MYO5A: variants seen among roughly 807,000 people sequenced by gnomAD.
MYO5A encodes myosin VA.
A neutral mutation model predicts 249.7 loss-of-function variants in MYO5A; 98 were observed. That is an observed-to-expected ratio of 0.39 (90% CI 0.33 to 0.46). MYO5A has a LOEUF of 0.46. Ranked by LOEUF, MYO5A falls within the 20% of genes least tolerant of loss-of-function variation. MYO5A has a pLI of 0.98. For missense variants in MYO5A, 1,696 were observed against 2,308.8 expected, an observed-to-expected ratio of 0.73 and a Z score of 5.44; for synonymous variants, 778 against 810.6, an observed-to-expected ratio of 0.96 and a Z score of 0.68.
chr15:52,490,314 T>C (rs902861601), intron 1 of MYO5A, among the ~76,000 whole-genome samples: 3 of 152,142 alleles, frequency 2.0e-5, no homozygotes, highest in African/African-American at 4.8e-5. Flanking sequence ...TTCTTCACAA[T>C]AGCCAAAGGA....
At chr15:52,326,098 C>T (rs1006102614) in intron 36 of MYO5A, among the ~76,000 whole-genome samples, 1 of 152,122 alleles carries the variant, frequency 6.6e-6, no homozygotes, top group Non-Finnish European at 1.5e-5. Flanking sequence ...AAACCAGTTG[C>T]CAAAGTTGAA....
rs1298449786 is a variant in MYO5A at position 52,379,669 on chromosome 15, C to A, written c.2164G>T (p.Asp722Tyr). The A allele has an allele frequency of 1.2e-6, 2 of 1,614,218 alleles. No homozygotes were observed. The highest frequency in any genetic ancestry group is 1.7e-6 in the Non-Finnish European group (2 of 1,180,024). Reference sequence around the variant, plus strand: ...ACATTCTTGCATGTTTGCTTTCTGTCACTCAGCACATCTTTCTGCTTCATT... The same window carrying A: ...ACATTCTTGCATGTTTGCTTTCTGTAACTCAGCACATCTTTCTGCTTCATT... Reference protein sequence around the residue: ...VLMKQKDVLSDRKQTCKNVLE... With the variant: ...VLMKQKDVLSYRKQTCKNVLE... Residue 722 changes from aspartate to tyrosine, a missense_variant, in exon 18 of 42, where the codon GAC becomes TAC. By Grantham distance (160) the Asp-to-Tyr change is radical. Coordinates refer to ENST00000399233, the MANE Select transcript of MYO5A (RefSeq NM_001382347.1).
chr15:52,460,940 G>A (rs1367298618), intron 1 of MYO5A, among the ~76,000 whole-genome samples: 1 of 152,140 alleles, frequency 6.6e-6, no homozygotes, highest in Admixed American at 6.5e-5. Flanking sequence ...ATATTTTTAA[G>A]TGAAAACAAT....
In MYO5A at chr15:52,372,336, T is replaced by C. The variant is rs762251096; in HGVS notation, c.2605A>G (p.Ile869Val). ...KILREHKAVI[I>V]QKRVRGWLAR... is the part of the protein sequence containing the mutation. ...AGCCAGCCCCGGACTCGCTTCTGAATGATGACTGCTTTGTGCTCACGGAGT... is the reference window on the plus strand; with the variant it reads ...AGCCAGCCCCGGACTCGCTTCTGAACGATGACTGCTTTGTGCTCACGGAGT... The change falls in exon 21 of 42, where the codon ATT becomes GTT. Residue 869 changes from isoleucine (I) to valine (V), a missense_variant. Transcript: ENST00000399233. 6.2e-7 allele frequency: 1 copy of C among 1,604,316 alleles called. No homozygotes were observed. Among genetic ancestry groups the C allele is most frequent in the South Asian group, 1.1e-5 (1 of 91,052 alleles).
chr15:52,450,859 T>TTTTG (rs2141372267), intron 1 of MYO5A, among the ~76,000 whole-genome samples: 1 of 148,122 alleles, frequency 6.8e-6, no homozygotes, highest in Non-Finnish European at 1.5e-5. Flanking sequence ...TTTTTTTTTT[T>TTTTG]TTTTTTGTGA....
At chr15:52,443,016 G>A (rs2075816270) in intron 1 of MYO5A, among the ~76,000 whole-genome samples, 1 of 152,184 alleles carries the variant, frequency 6.6e-6, no homozygotes, top group South Asian at 2.1e-4. Context: ...CTCCCAAAGT[G>A]CTGGGATTAC....
At chr15:52,523,174 G>A (rs1221312805) in intron 1 of MYO5A, among the ~76,000 whole-genome samples, 2 of 151,996 alleles carry the variant, frequency 1.3e-5, no homozygotes, top group Non-Finnish European at 2.9e-5. Flanking sequence ...AATCCATCTC[G>A]GAGAGACCTG....
At chr15:52,465,381 A>G (rs2076332261) in intron 1 of MYO5A, among the ~76,000 whole-genome samples, 1 of 152,082 alleles carries the variant, frequency 6.6e-6, no homozygotes, top group Admixed American at 6.6e-5. Flanking sequence ...TAGGTTTTAT[A>G]ATTTTGAAAG....
chr15:52,432,185 A>G (rs1175103444), intron 2 of MYO5A, among the ~76,000 whole-genome samples: 5 of 152,272 alleles, frequency 3.3e-5, no homozygotes, highest in Admixed American at 3.3e-4. Context: ...CTAGTTAATA[A>G]GTATAGAAGG....
chr15:52,363,327 CAAGGGTCTTTAG>C (rs2040632637), intron 24 of MYO5A, among the ~76,000 whole-genome samples: 1 of 152,190 alleles, frequency 6.6e-6, no homozygotes, highest in African/African-American at 2.4e-5. Flanking sequence ...TGAAGCTTAA[CAAGGGTCTTTAG>C]ATTTGTCAAT....
intron 1 of MYO5A, among the ~76,000 whole-genome samples, chr15:52,471,889 G>T (rs1278889610): frequency 6.6e-6 from 1 of 152,076 alleles, no homozygotes; most frequent in East Asian, 1.9e-4. Context: ...TGTAGAGTCA[G>T]TGTCTCCCTA....
chr15:52,443,898 G>C (rs750893808), intron 1 of MYO5A, among the ~76,000 whole-genome samples: 1 of 151,896 alleles, frequency 6.6e-6, no homozygotes, highest in Non-Finnish European at 1.5e-5. Context: ...CACAAGAATT[G>C]CTTGAACCTG....
At chr15:52,423,197 T>C (rs957461612) in intron 4 of MYO5A, among the ~76,000 whole-genome samples, 1 of 151,970 alleles carries the variant, frequency 6.6e-6, no homozygotes, top group African/African-American at 2.4e-5. Flanking sequence ...CTAGAAATGG[T>C]GATAATGTGA....
chr15:52,414,448 T>C (rs1431980569), intron 5 of MYO5A, among the ~76,000 whole-genome samples: 1 of 152,164 alleles, frequency 6.6e-6, no homozygotes. Context: ...TTCAAATCTG[T>C]GTTGCAGAAA....
At chr15:52,325,979 C>G (rs1403838522) in intron 36 of MYO5A, among the ~76,000 whole-genome samples, 6 of 152,178 alleles carry the variant, frequency 3.9e-5, no homozygotes, top group Non-Finnish European at 8.8e-5. Context: ...ACAAGTTGAA[C>G]TCAAAGCTAT....
intron 1 of MYO5A, among the ~76,000 whole-genome samples, chr15:52,522,824 A>C (rs1053015091): frequency 5.0e-5 from 7 of 140,876 alleles, no homozygotes; most frequent in Non-Finnish European, 6.1e-5. Flanking sequence ...AGCTTCCTCC[A>C]GTTCTCTTTC....
chr15:52,496,347 G>T (rs2141560329), intron 1 of MYO5A, among the ~76,000 whole-genome samples: 1 of 152,270 alleles, frequency 6.6e-6, no homozygotes, highest in South Asian at 2.1e-4. Context: ...CCACTGCATA[G>T]CTCCTGAGCT....
At chr15:52,352,872 A>G (rs2141023934) in intron 27 of MYO5A, among the ~76,000 whole-genome samples, 1 of 152,292 alleles carries the variant, frequency 6.6e-6, no homozygotes, top group South Asian at 2.1e-4. Flanking sequence ...TCATGAATTA[A>G]TCTATTCTTT....
At chr15:52,434,268 G>T (rs2075611854) in intron 1 of MYO5A, among the ~76,000 whole-genome samples, 1 of 152,076 alleles carries the variant, frequency 6.6e-6, no homozygotes, top group Non-Finnish European at 1.5e-5. Flanking sequence ...AAAGTGCTGG[G>T]ATTACAGTCA....
Sources: gnomAD v4.1 joint callset for allele counts (sites outside exome capture counted in the v4.1 genomes callset) on GRCh38, gnomAD v4.1.1 for gene constraint, MANE v1.5 for transcripts, NCBI Gene and HGNC (gene_info 2026-07-23, HGNC 2026-07-21) for gene names.